PTPRU: variants seen among roughly 807,000 people sequenced by gnomAD.
The protein encoded by PTPRU is protein tyrosine phosphatase receptor type U, also known as receptor-type tyrosine-protein phosphatase U.
A neutral mutation model predicts 166.3 loss-of-function variants in PTPRU; 69 were observed. That is an observed-to-expected ratio of 0.41 (90% confidence interval 0.34 to 0.51). The LOEUF (loss-of-function observed/expected upper bound fraction) is 0.51. Ranked by LOEUF, PTPRU falls within the 20% of genes least tolerant of loss-of-function variation. The pLI is 0.09. For missense variants in PTPRU, 1,657 were observed against 2,013.7 expected, an observed-to-expected ratio of 0.82 and a Z score of 3.39; for synonymous variants, 793 against 814.0, an observed-to-expected ratio of 0.97 and a Z score of 0.44.
intron 14 of PTPRU, among the ~76,000 whole-genome samples, chr1:29,290,001 C>T (rs1480793837): frequency 6.6e-6 from 1 of 152,222 alleles, no homozygotes; most frequent in Non-Finnish European, 1.5e-5. Flanking sequence ...CTCAATGTCC[C>T]CTTCACCACC....
At chr1:29,314,669 C>T (rs1481032196) in intron 22 of PTPRU, among the ~76,000 whole-genome samples, 1 of 152,018 alleles carries the variant, frequency 6.6e-6, no homozygotes, top group Non-Finnish European at 1.5e-5. Flanking sequence ...CCTCCATCTC[C>T]CGGGTTCAAG....
intron 1 of PTPRU, among the ~76,000 whole-genome samples, chr1:29,243,088 G>A (rs570262894): frequency 3.9e-5 from 6 of 152,188 alleles, no homozygotes; most frequent in South Asian, 2.1e-4. Flanking sequence ...TAATAAAGAC[G>A]GGGTTTCACT....
chr1:29,247,361 T>C (rs1270866063), intron 1 of PTPRU, among the ~76,000 whole-genome samples: 1 of 152,246 alleles, frequency 6.6e-6, no homozygotes, highest in Non-Finnish European at 1.5e-5. Context: ...ACCAGATGTC[T>C]GTAATGAGGC....
intron 26 of PTPRU, 57 bp from the exon 27 acceptor site, chr1:29,323,314 T>G (rs1574736575): frequency 1.3e-6 from 2 of 1,575,472 alleles, no homozygotes; most frequent in Non-Finnish European, 8.6e-7. Flanking sequence ...GGCATGGCTG[T>G]GGGGTGAGCC....
chr1:29,239,057 T>C (rs566372563), intron 1 of PTPRU, among the ~76,000 whole-genome samples: 1 of 152,196 alleles, frequency 6.6e-6, no homozygotes, highest in Non-Finnish European at 1.5e-5. Context: ...ACAGAGGCTG[T>C]GATTTAAAGC....
Position 29,311,789 on chromosome 1 carries a change from G to C in PTPRU, c.3072+30G>C. 1 of 1,589,852 alleles carries C rather than the reference G, an allele frequency of 6.3e-7. No homozygotes were observed. The highest frequency in any genetic ancestry group is 8.6e-7 in the Non-Finnish European group (1 of 1,162,276). Reference sequence around the variant, plus strand: ...GTCTCCCCACCGCCTGTTCCCTGCAGAGGGTGCCTGAGCAGGGATTAGAGC... The same window carrying C: ...GTCTCCCCACCGCCTGTTCCCTGCACAGGGTGCCTGAGCAGGGATTAGAGC... On this transcript the variant is annotated intron_variant, in intron 21 of 29. Coordinates refer to ENST00000373779, the MANE Select transcript of PTPRU (RefSeq NM_133178.4). The surrounding 1 kb of genome is among the most constrained non-coding windows in gnomAD (Gnocchi z 4.1).
At chr1:29,295,944 G>C (rs1174909080) in intron 15 of PTPRU, among the ~76,000 whole-genome samples, 1 of 152,120 alleles carries the variant, frequency 6.6e-6, no homozygotes, top group Non-Finnish European at 1.5e-5. Flanking sequence ...ACCCACCTTG[G>C]CCTCTCGAAG....
intron 7 of PTPRU, among the ~76,000 whole-genome samples, chr1:29,261,839 G>GT (rs888803189): frequency 5.3e-5 from 8 of 152,014 alleles, no homozygotes; most frequent in South Asian, 2.1e-4. Context: ...GGCTTAGTGT[G>GT]TTTTTTTAAT....
Position 29,284,639 on chromosome 1 carries a change from C to T in PTPRU, c.2180-92C>T. ...TGAGGATGTAGGGCGGTTTGTGCAG[C>T]CCAGTTTGTTCCTTGGGCACAGCCA... On this transcript the variant is annotated intron_variant, in intron 13 of 29. Coordinates refer to ENST00000373779, the MANE Select transcript of PTPRU (RefSeq NM_133178.4). The T allele has an allele frequency of 3.2e-6, 5 of 1,579,848 alleles. No homozygotes were observed. In the Admixed American group the frequency reaches 6.7e-5, roughly 21 times the overall value.
At chr1:29,284,609 C>A in intron 13 of PTPRU, 122 bp from the exon 14 acceptor site, 2 of 1,366,474 alleles carry the variant, frequency 1.5e-6, no homozygotes, top group Non-Finnish European at 2.1e-6. Flanking sequence ...AGGCAGGACA[C>A]ACATTGAGGA....
Position 29,325,258 on chromosome 1 carries a change from A to G in PTPRU, c.4180A>G (p.Asn1394Asp). 2 of 1,614,150 alleles carry G rather than the reference A, an allele frequency of 1.2e-6. No individual in the cohort carries two copies. The highest frequency in any genetic ancestry group is 1.7e-6 in the Non-Finnish European group (2 of 1,180,014). Residue 1394 changes from asparagine to aspartate, a missense_variant, in exon 29 of 30, where the codon AAC becomes GAC. Physicochemically the swap from Asn to Asp is conservative, Grantham distance 23. Coordinates refer to ENST00000373779, the MANE Select transcript of PTPRU (RefSeq NM_133178.4). ...GGTCCTGGAGATGATCCGCTGCCAC[A>G]ACTTGGTGGACGTTTTCTTTGCTGC... The part of the protein sequence containing the change: ...ATVLEMIRCH[N>D]LVDVFFAAKT...
chr1:29,254,496 G>A (rs748622172), intron 1 of PTPRU, among the ~76,000 whole-genome samples: 2 of 151,280 alleles, frequency 1.3e-5, no homozygotes, highest in African/African-American at 4.9e-5. Flanking sequence ...ACACATGACT[G>A]TGCTTTTGCA....
At chr1:29,314,152 A>G (rs190441339) in intron 22 of PTPRU, among the ~76,000 whole-genome samples, 4 of 152,346 alleles carry the variant, frequency 2.6e-5, no homozygotes, top group Admixed American at 6.5e-5. Flanking sequence ...CCATTCTGCC[A>G]TGATAGGCAT....
intron 24 of PTPRU, among the ~76,000 whole-genome samples, chr1:29,316,830 C>G (rs1357524691): frequency 6.6e-6 from 1 of 152,180 alleles, no homozygotes; most frequent in Non-Finnish European, 1.5e-5. Flanking sequence ...AGGTGGAGCT[C>G]ACTGATTGCC....
chr1:29,314,130 CAG>C (rs1687791904), intron 22 of PTPRU, among the ~76,000 whole-genome samples: 2 of 152,172 alleles, frequency 1.3e-5, no homozygotes, highest in Admixed American at 1.3e-4. Flanking sequence ...GAATAAATGA[CAG>C]TGTGTTTGTC....
chr1:29,279,914 A>G lies in PTPRU; in HGVS notation c.1766-125A>G. The G allele has an allele frequency of 9.2e-7, 1 of 1,086,374 alleles. No individual in the cohort carries two copies. Among genetic ancestry groups the G allele is most frequent in the Non-Finnish European group, 1.3e-6 (1 of 749,078 alleles). The allele number at this position is 1,086,374 out of a possible 1,614,324, so 67.3% of individuals were successfully genotyped here. On this transcript the variant is annotated intron_variant, in intron 10 of 29. Transcript: ENST00000373779. This position sits in a 1 kb window ranked among gnomAD's most constrained non-coding sequence, Gnocchi z 5.2. ...GGGCCAGGGTAGCTCAGGTCATGTC[A>G]GCAGGAACAAAGAGGCTAAGGCTGA... is the stretch of plus-strand genomic sequence containing the variant.
intron 26 of PTPRU, 152 bp from the exon 27 acceptor site, chr1:29,323,219 G>C: frequency 9.8e-7 from 1 of 1,021,126 alleles, no homozygotes; most frequent in Non-Finnish European, 1.4e-6. Context: ...GTGGTGATTG[G>C]GGGAGCTGCT....
At chr1:29,301,907 A>G (rs893461408) in intron 15 of PTPRU, among the ~76,000 whole-genome samples, 1 of 152,226 alleles carries the variant, frequency 6.6e-6, no homozygotes, top group African/African-American at 2.4e-5. Context: ...TACAAAGGAC[A>G]TGGACTCATC....
chr1:29,281,071 C>T (rs1686061912), intron 11 of PTPRU, among the ~76,000 whole-genome samples: 1 of 152,140 alleles, frequency 6.6e-6, no homozygotes, highest in South Asian at 2.1e-4. Context: ...TCCACCCCTT[C>T]CTTCCACGAA....
Sources: gnomAD v4.1 joint callset for allele counts (sites outside exome capture counted in the v4.1 genomes callset) on GRCh38, gnomAD v4.1.1 for gene constraint, Gnocchi (gnomAD v3.1) non-coding constraint, MANE v1.5 for transcripts, NCBI Gene and HGNC (gene_info 2026-07-23, HGNC 2026-07-21) for gene names.